Variants in SETBP1 observed in about 807,000 individuals in gnomAD.
The protein encoded by SETBP1 is SET binding protein 1.
Under a neutral mutation model 101.0 loss-of-function variants are expected in SETBP1, and 9 were observed. That is an observed-to-expected ratio of 0.09 (90% confidence interval 0.05 to 0.16). The LOEUF is 0.16. SETBP1 is among the 10% of genes least tolerant of loss of function. The pLI is 1.00. For missense variants in SETBP1, 1,858 were observed against 2,033.8 expected (o/e 0.91, Z 1.66); for synonymous variants, 818 against 788.5 (o/e 1.04, Z -0.63).
At chr18:44,796,852 C>A (rs1240640689) in intron 2 of SETBP1, among the ~76,000 whole-genome samples, 1 of 152,208 alleles carries the variant, frequency 6.6e-6, no homozygotes, top group African/African-American at 2.4e-5. Flanking sequence ...CACATACACA[C>A]ACCACTTTTA....
At chr18:44,812,638 T>C (rs2071887724) in intron 2 of SETBP1, among the ~76,000 whole-genome samples, 1 of 152,148 alleles carries the variant, frequency 6.6e-6, no homozygotes, top group Non-Finnish European at 1.5e-5. Flanking sequence ...CTCTCTCCTG[T>C]GGACTCCAGG....
At chr18:44,773,396 G>A (rs2070917109) in intron 2 of SETBP1, among the ~76,000 whole-genome samples, 1 of 152,150 alleles carries the variant, frequency 6.6e-6, no homozygotes, top group African/African-American at 2.4e-5. Flanking sequence ...AGCAAGCTTG[G>A]CTCACAGACA....
At chr18:44,728,438 G>T (rs1171013487) in intron 2 of SETBP1, among the ~76,000 whole-genome samples, 1 of 152,158 alleles carries the variant, frequency 6.6e-6, no homozygotes, top group Non-Finnish European at 1.5e-5. Context: ...TCAAATTTAA[G>T]TGTGTTTGGG....
At chr18:44,706,953 ACAT>A (rs2069233435) in intron 2 of SETBP1, among the ~76,000 whole-genome samples, 1 of 152,236 alleles carries the variant, frequency 6.6e-6, no homozygotes. Flanking sequence ...TACAGAGCAA[ACAT>A]CATCATAATA....
At position 45,030,022 on chromosome 18, in the gene SETBP1, C is replaced by T. The variant is rs544541487; in HGVS notation, c.4001-8463C>T. On this transcript the variant is annotated intron_variant, in intron 4 of 5. Coordinates refer to ENST00000649279, the MANE Select transcript of SETBP1 (RefSeq NM_015559.3). ...TTTATTTCCTTCTCCTGCCTGATTG[C>T]CCTGGCCAGAACTTCCAACGCTATG... Among the ~76,000 whole-genome samples the T allele has an allele frequency of 4.2e-3, 610 of 145,970 alleles. 4 individuals carry two copies. Among genetic ancestry groups the T allele is most frequent in the Non-Finnish European group, 6.3e-3 (416 of 65,772 alleles).
At chr18:44,711,147 CCT>C (rs1428863322) in intron 2 of SETBP1, among the ~76,000 whole-genome samples, 15 of 152,134 alleles carry the variant, frequency 9.9e-5, no homozygotes, top group African/African-American at 3.6e-4. Flanking sequence ...CACCCAGAGC[CCT>C]ATATTGCAAG....
chr18:44,764,536 G>A (rs568290801), intron 2 of SETBP1, among the ~76,000 whole-genome samples: 8 of 151,870 alleles, frequency 5.3e-5, no homozygotes, highest in African/African-American at 9.7e-5. Context: ...GCAGTGGTGC[G>A]ATCTCGGCTC....
intron 2 of SETBP1, among the ~76,000 whole-genome samples, chr18:44,788,824 A>G (rs1348748431): frequency 1.9e-5 from 2 of 107,410 alleles, no homozygotes; most frequent in African/African-American, 7.6e-5. Flanking sequence ...TGGAGACAGG[A>G]TCTCACTCTG....
intron 2 of SETBP1, among the ~76,000 whole-genome samples, chr18:44,711,568 C>T (rs2144270938): frequency 6.6e-6 from 1 of 150,850 alleles, no homozygotes; most frequent in African/African-American, 2.4e-5. Flanking sequence ...CTCTGTTGCC[C>T]AGGCTGGAGT....
At chr18:44,818,544 G>T (rs2072033191) in intron 2 of SETBP1, among the ~76,000 whole-genome samples, 1 of 152,002 alleles carries the variant, frequency 6.6e-6, no homozygotes, top group African/African-American at 2.4e-5. Flanking sequence ...TGTGGGCTTT[G>T]TTTAATGTCT....
chr18:44,871,732 A>G (rs2069279961), intron 3 of SETBP1: 1 of 152,118 alleles, frequency 6.6e-6, no homozygotes, highest in African/African-American at 2.4e-5. Flanking sequence ...CCCCATGGTT[A>G]TTGGTTACTA....
chr18:44,813,974 G>C (rs1399522527), intron 2 of SETBP1, among the ~76,000 whole-genome samples: 2 of 152,200 alleles, frequency 1.3e-5, no homozygotes, highest in Non-Finnish European at 1.5e-5. Context: ...TTCCGTGATA[G>C]AGTCCAAGTC....
chr18:44,950,595 A>G lies in SETBP1; in HGVS notation c.1255A>G (p.Lys419Glu), dbSNP rs986981842. 2 of 1,613,892 alleles carry G rather than the reference A, an allele frequency of 1.2e-6. No homozygotes were observed. Among genetic ancestry groups the G allele is most frequent in the African/African-American group, 2.7e-5 (2 of 74,908 alleles). The change falls in exon 4 of 6, where the codon AAA becomes GAA. Residue 419 changes from lysine to glutamate, a missense_variant. Coordinates refer to ENST00000649279, the MANE Select transcript of SETBP1 (RefSeq NM_015559.3). The part of the protein sequence containing the change: ...PSLDPTNHKR[K>E]KRQSIKAVVE... ...TCTGGATCCAACCAACCATAAGAGG[A>G]AAAAAAGACAGTCCATTAAAGCGGT...
Position 44,847,640 on chromosome 18 carries a change from T to C in SETBP1, c.487-21590T>C, listed in dbSNP as rs549621948. 1.4e-4 allele frequency among the ~76,000 whole-genome samples: 21 copies of C among 152,206 alleles called. No individual in the cohort carries two copies. In the South Asian group the frequency reaches 4.4e-3, roughly 32 times the overall value. On this transcript the variant is annotated intron_variant, in intron 2 of 5. Coordinates refer to ENST00000649279, the MANE Select transcript of SETBP1 (RefSeq NM_015559.3). Reference sequence around the variant, plus strand: ...TACAATGTGTCAAGCACTGTGGGGGTAGGGCACTGAATAAAACAAGACAAG... The same window carrying C: ...TACAATGTGTCAAGCACTGTGGGGGCAGGGCACTGAATAAAACAAGACAAG...
intron 2 of SETBP1, among the ~76,000 whole-genome samples, chr18:44,826,424 T>C (rs2072239634): frequency 6.6e-6 from 1 of 152,102 alleles, no homozygotes; most frequent in Non-Finnish European, 1.5e-5. Flanking sequence ...TTTTTTTCTC[T>C]CTCAAAAGAC....
chr18:44,917,037 G>C (rs62092685), intron 3 of SETBP1, among the ~76,000 whole-genome samples: 1,858 of 152,320 alleles, frequency 0.012, 19 homozygotes, highest in Non-Finnish European at 0.017. Context: ...CCTATTAATT[G>C]ATTCTGGGGA....
chr18:44,820,406 A>C (rs1409341837), intron 2 of SETBP1, among the ~76,000 whole-genome samples: 1 of 152,108 alleles, frequency 6.6e-6, no homozygotes, highest in East Asian at 1.9e-4. Flanking sequence ...ATGCTGAGAG[A>C]TCTAGCACCT....
At chr18:44,683,281 C>T (rs1210157998) in intron 1 of SETBP1, among the ~76,000 whole-genome samples, 2 of 152,170 alleles carry the variant, frequency 1.3e-5, no homozygotes, top group Non-Finnish European at 1.5e-5. Context: ...CCCCTGCTGC[C>T]ATAAGGGCTT....
intron 2 of SETBP1, among the ~76,000 whole-genome samples, chr18:44,807,209 A>G (rs1380856640): frequency 6.6e-6 from 1 of 152,174 alleles, no homozygotes; most frequent in Non-Finnish European, 1.5e-5. Context: ...CATTAAAACC[A>G]CATTTTATAG....
Sources: allele counts gnomAD v4.1 joint callset (sites outside exome capture counted in the v4.1 genomes callset), GRCh38; gene constraint gnomAD v4.1.1; transcripts MANE v1.5; gene names NCBI Gene and HGNC (gene_info 2026-07-23, HGNC 2026-07-21).